The following FAM13B variants were observed in gnomAD, a reference collection of about 807,000 sequenced individuals.
The protein encoded by FAM13B is family with sequence similarity 13 member B, also known as protein FAM13B.
In FAM13B, 60 loss-of-function variants were observed where a neutral mutation model predicts 117.3. That is an observed-to-expected ratio of 0.51 (90% CI 0.42 to 0.63). The LOEUF (loss-of-function observed/expected upper bound fraction) is 0.63. FAM13B is among the 30% of genes least tolerant of loss of function. The pLI is 0.00. For missense variants in FAM13B, 972 were observed against 1,091.9 expected, an observed-to-expected ratio of 0.89 and a Z score of 1.55; for synonymous variants, 332 against 356.1, an observed-to-expected ratio of 0.93 and a Z score of 0.76.
intron 2 of FAM13B, among the ~76,000 whole-genome samples, chr5:138,019,503 T>C (rs1009355784): frequency 2.0e-5 from 3 of 152,128 alleles, no homozygotes; most frequent in African/African-American, 7.2e-5. Flanking sequence ...CACAGGTAAA[T>C]CCAAACCCGT....
chr5:137,975,167 G>A (rs763645445), intron 10 of FAM13B, among the ~76,000 whole-genome samples: 1 of 151,964 alleles, frequency 6.6e-6, no homozygotes, highest in Non-Finnish European at 1.5e-5. Context: ...TACTTTCTAC[G>A]AAAGCCACTT....
At chr5:138,006,165 G>A (rs951517853) in intron 7 of FAM13B, among the ~76,000 whole-genome samples, 5 of 152,100 alleles carry the variant, frequency 3.3e-5, no homozygotes, top group Non-Finnish European at 5.9e-5. Flanking sequence ...CCAAAGTGCT[G>A]AGATTACAGG....
intron 10 of FAM13B, among the ~76,000 whole-genome samples, chr5:137,963,366 C>G (rs1378958918): frequency 1.3e-5 from 2 of 152,202 alleles, no homozygotes; most frequent in Non-Finnish European, 2.9e-5. Flanking sequence ...AATGCCACTC[C>G]TCAAACTTAA....
intron 10 of FAM13B, among the ~76,000 whole-genome samples, chr5:137,966,474 TATATATATATATATAGAG>T (rs1443818942): frequency 1.7e-3 from 116 of 69,274 alleles, no homozygotes; most frequent in African/African-American, 5.6e-3. Context: ...TATATATATA[TATATATATATATATAGAG>T]AGAGAGAGAG....
intron 1 of FAM13B, among the ~76,000 whole-genome samples, chr5:138,040,609 G>A (rs1791470382): frequency 6.6e-6 from 1 of 151,972 alleles, no homozygotes; most frequent in South Asian, 2.1e-4. Context: ...ATAGAATGGA[G>A]GGAAGACAAT....
At chr5:137,981,927 G>A (rs1476538542) in intron 10 of FAM13B, among the ~76,000 whole-genome samples, 1 of 152,208 alleles carries the variant, frequency 6.6e-6, no homozygotes, top group Non-Finnish European at 1.5e-5. Context: ...GGAAGTATCT[G>A]CAAGACTAGG....
At chr5:138,011,204 G>T in intron 5 of FAM13B, 55 bp from the exon 6 acceptor site, 2 of 1,509,902 alleles carry the variant, frequency 1.3e-6, no homozygotes, top group Non-Finnish European at 1.8e-6. Context: ...CACAGGTAAA[G>T]GTAGAAGACA....
In FAM13B at chr5:137,952,579, A is replaced by T. The variant is rs1765341054; in HGVS notation, c.1930+49T>A. On this transcript the variant is annotated intron_variant, in intron 17 of 23. Coordinates refer to ENST00000689681, the MANE Select transcript of FAM13B (RefSeq NM_001385994.1). ...ATTTGTGATTCTCAGACATTAATAT[A>T]AAAAAATTTTTAAAATGCAAATATA... The T allele has an allele frequency of 2.5e-6, 3 of 1,218,858 alleles. No homozygotes were observed. The South Asian group carries it at 4.1e-5, about 17-fold the overall frequency. 75.5% of individuals were successfully genotyped at this position (1,218,858 alleles called of 1,614,324 possible). A position where few individuals can be genotyped will look rare whatever the true frequency, so the allele number is the denominator to read the frequency against.
chr5:137,971,384 G>A (rs1772089450), intron 10 of FAM13B, among the ~76,000 whole-genome samples: 1 of 151,630 alleles, frequency 6.6e-6, no homozygotes, highest in African/African-American at 2.4e-5. Context: ...CAAAATGAAG[G>A]CAGAAATAAA....
intron 17 of FAM13B, among the ~76,000 whole-genome samples, chr5:137,951,495 C>T (rs934793951): frequency 6.6e-6 from 1 of 151,712 alleles, no homozygotes; most frequent in East Asian, 1.9e-4. Flanking sequence ...CAACTCTATA[C>T]AAAATTTTAA....
intron 7 of FAM13B, 95 bp downstream of exon 7, chr5:138,006,893 TCA>T: frequency 8.3e-7 from 1 of 1,207,500 alleles, no homozygotes; most frequent in Non-Finnish European, 1.1e-6. Flanking sequence ...TGCCAAACTT[TCA>T]CATATAGTTA....
chr5:138,043,878 G>A (rs896407600), intron 1 of FAM13B, among the ~76,000 whole-genome samples: 1 of 150,996 alleles, frequency 6.6e-6, no homozygotes, highest in Middle Eastern at 3.5e-3. Flanking sequence ...TACCCAGCCA[G>A]GACATTTTCT....
At chr5:138,038,928 A>G (rs1791382943) in intron 1 of FAM13B, among the ~76,000 whole-genome samples, 1 of 152,222 alleles carries the variant, frequency 6.6e-6, no homozygotes, top group Admixed American at 6.5e-5. Context: ...TTTTGGTGGA[A>G]TAGAACCAAA....
chr5:137,941,699 C>A (rs1329252907), intron 23 of FAM13B, among the ~76,000 whole-genome samples: 1 of 152,200 alleles, frequency 6.6e-6, no homozygotes, highest in Non-Finnish European at 1.5e-5. Context: ...TATAAAATCA[C>A]TGCAATACAA....
At chr5:138,041,188 T>G (rs1219316259) in intron 1 of FAM13B, among the ~76,000 whole-genome samples, 2 of 152,116 alleles carry the variant, frequency 1.3e-5, no homozygotes, top group Non-Finnish European at 2.9e-5. Flanking sequence ...CTTCAAAATG[T>G]TAAGAGAAAA....
intron 1 of FAM13B, among the ~76,000 whole-genome samples, chr5:138,043,660 G>A (rs960642848): frequency 1.3e-5 from 2 of 151,606 alleles, no homozygotes; most frequent in African/African-American, 4.8e-5. Context: ...GACTGGTCTC[G>A]AACTCCTGAC....
intron 1 of FAM13B, among the ~76,000 whole-genome samples, chr5:138,024,808 CACACAGAGAG>C (rs1787778011): frequency 3.4e-5 from 1 of 29,532 alleles, no homozygotes; most frequent in African/African-American, 9.0e-5. Context: ...CACACACACA[CACACAGAGAG>C]AGAGAGAGAG....
chr5:138,005,463 ATT>A (rs35581730), intron 7 of FAM13B, among the ~76,000 whole-genome samples: 92 of 148,990 alleles, frequency 6.2e-4, no homozygotes, highest in South Asian at 6.4e-4. Flanking sequence ...CAACAAAGGT[ATT>A]TTTTTTTTTT....
chr5:138,018,547 T>A, intron 3 of FAM13B, 33 bp from the exon 4 acceptor site: 1 of 1,566,876 alleles, frequency 6.4e-7, no homozygotes, highest in Non-Finnish European at 8.8e-7. Flanking sequence ...TTCAATAAGC[T>A]GCAATGTCAA....
Sources: allele counts gnomAD v4.1 joint callset (sites outside exome capture counted in the v4.1 genomes callset), GRCh38; gene constraint gnomAD v4.1.1; transcripts MANE v1.5; gene names NCBI Gene and HGNC (gene_info 2026-07-23, HGNC 2026-07-21).